Variants in EIF2AK2 observed in about 807,000 individuals in gnomAD.
EIF2AK2 encodes the protein interferon-induced, double-stranded RNA-activated protein kinase.
A neutral mutation model predicts 70.5 loss-of-function variants in EIF2AK2; 40 were observed. The observed-to-expected ratio is 0.57, with a 90% CI of 0.44 to 0.74. The LOEUF is 0.74. EIF2AK2 is among the 30% of genes least tolerant of loss of function. EIF2AK2 has a pLI of 0.00. For synonymous variants in EIF2AK2, 198 were observed against 220.9 expected (o/e 0.90, Z 0.92); for missense variants, 555 against 644.3 (o/e 0.86, Z 1.50).
rs759646566 is a variant in EIF2AK2, at chr2:37,122,549, C to A, written c.1024G>T (p.Glu342Ter). 8 of 1,614,148 alleles carry A rather than the reference C, an allele frequency of 5.0e-6. No individual in the cohort carries two copies. The highest frequency in any genetic ancestry group is 1.6e-4 in the Middle Eastern group (1 of 6,062). The change falls in exon 12 of 17, where the codon GAG (glutamate) becomes TAG (stop). Residue 342 changes from glutamate to a stop codon, truncating the protein, a stop_gained. Transcript: ENST00000233057. LOFTEE classifies it high-confidence loss of function. ...TTCTCAGGATCATAATCACTGCTCT[C>A]AAGAGAATCATCACTGGTCTCAGGA... Reference protein sequence around the residue: ...YDPETSDDSLESSDYDPENSK... With the variant: ...YDPETSDDSL
At position 37,101,073 on chromosome 2, in the gene EIF2AK2, T is replaced by C; in HGVS notation, c.*6200A>G. Reference sequence around the variant, plus strand: ...CCAATTAGTTGCCAACTCCTCTTGGTTCTGTCCTCTTATTGTTCAGGCCCT... The same window carrying C: ...CCAATTAGTTGCCAACTCCTCTTGGCTCTGTCCTCTTATTGTTCAGGCCCT... On this transcript the variant is annotated 3_prime_UTR_variant, in exon 17 of 17. Transcript: ENST00000233057. 6.6e-6 allele frequency: 1 copy of C among 152,374 alleles called. No individual in the cohort carries two copies. The highest frequency in any genetic ancestry group is 1.5e-5 in the Non-Finnish European group (1 of 68,050). 9.4% of individuals were successfully genotyped at this position (152,374 alleles called of 1,614,324 possible). A position where few individuals can be genotyped will look rare whatever the true frequency, so the allele number is the denominator to read the frequency against.
rs770271940 is a variant in EIF2AK2, at chr2:37,107,291, A to G, written c.1638T>C (p.Asn546=). The change falls in exon 17 of 17, where the codon AAT becomes AAC. Residue 546 remains asparagine (N), a synonymous_variant. Transcript: ENST00000233057. ...LTVWKKSPEK[N]ERHTC is the part of the protein sequence containing the mutation. Reference sequence around the variant, plus strand: ...AAGGGCTCTAACATGTGTGTCGTTCATTTTTCTCTGGGCTTTTCTTCCACA... The same window carrying G: ...AAGGGCTCTAACATGTGTGTCGTTCGTTTTTCTCTGGGCTTTTCTTCCACA... The G allele has an allele frequency of 4.0e-5, 64 of 1,613,214 alleles. No individual in the cohort carries two copies. The highest frequency in any genetic ancestry group is 5.3e-5 in the Non-Finnish European group (63 of 1,179,856).
intron 14 of EIF2AK2, among the ~76,000 whole-genome samples, chr2:37,111,410 T>C (rs1674141424): frequency 4.0e-5 from 6 of 151,318 alleles, no homozygotes. Flanking sequence ...TTTTTTTTTT[T>C]TTTCTTCAGA....
At chr2:37,146,656 T>A (rs1255159603) in intron 4 of EIF2AK2, among the ~76,000 whole-genome samples, 197 bp downstream of exon 4, 1 of 152,206 alleles carries the variant, frequency 6.6e-6, no homozygotes, top group African/African-American at 2.4e-5. Flanking sequence ...ATTATCCAGC[T>A]TTGCCCATGG....
intron 14 of EIF2AK2, 77 bp downstream of exon 14, chr2:37,114,654 T>C: frequency 1.5e-6 from 2 of 1,324,874 alleles, no homozygotes; most frequent in South Asian, 2.1e-5. Context: ...GTTTTAATTA[T>C]ATAAGTAGTG....
At chr2:37,131,136 G>C (rs1301238539) in intron 10 of EIF2AK2, among the ~76,000 whole-genome samples, 2 of 152,138 alleles carry the variant, frequency 1.3e-5, no homozygotes, top group African/African-American at 4.8e-5. Flanking sequence ...CACACAAGAG[G>C]AAATCTTGAT....
At chr2:37,139,826 A>G in intron 5 of EIF2AK2, 69 bp from the exon 6 acceptor site, 1 of 1,462,652 alleles carries the variant, frequency 6.8e-7, no homozygotes, top group Non-Finnish European at 9.3e-7. Context: ...AGGATTCAAA[A>G]AAAATAACAT....
intron 4 of EIF2AK2, among the ~76,000 whole-genome samples, chr2:37,144,338 T>C (rs569508806): frequency 6.8e-6 from 1 of 147,562 alleles, no homozygotes; most frequent in South Asian, 2.2e-4. Context: ...TTTTTTATCA[T>C]TATTTTAGAA....
At chr2:37,143,604 C>T (rs534729344) in intron 4 of EIF2AK2, among the ~76,000 whole-genome samples, 2 of 152,188 alleles carry the variant, frequency 1.3e-5, no homozygotes, top group Admixed American at 1.3e-4. Context: ...CTACTTATAG[C>T]TGGGTGTGGT....
Position 37,119,953 on chromosome 2 carries a change from A to G in EIF2AK2, c.1248+6T>C. ...TATCAATTAATAAAGTACATTTTCC[A>G]CTTACCTTAAGATCTCTATGAATTA... is the stretch of plus-strand genomic sequence containing the variant. On this transcript the variant is annotated splice_donor_region_variant and intron_variant, in intron 13 of 16. Coordinates refer to ENST00000233057, the MANE Select transcript of EIF2AK2 (RefSeq NM_001135651.3). 7.3e-7 allele frequency: 1 copy of G among 1,377,130 alleles called. No homozygotes were observed. Among genetic ancestry groups the G allele is most frequent in the South Asian group, 1.9e-5 (1 of 53,770 alleles). The allele number at this position is 1,377,130 out of a possible 1,614,324, so 85.3% of individuals were successfully genotyped here.
chr2:37,154,055 G>A (rs928915706), intron 1 of EIF2AK2, among the ~76,000 whole-genome samples: 3 of 152,062 alleles, frequency 2.0e-5, no homozygotes, highest in African/African-American at 4.8e-5. Context: ...GGCCAGGCGC[G>A]GTGGCTCACA....
rs1006000377 is a variant in EIF2AK2 at position 37,107,471 on chromosome 2, T to C, written c.1533+3A>G. 3.1e-6 allele frequency: 5 copies of C among 1,612,170 alleles called. No homozygotes were observed. The highest frequency in any genetic ancestry group is 4.2e-6 in the Non-Finnish European group (5 of 1,179,572). ...AAAATTCTGATGATTTTCAAGTGCTTACTTCTTTTTTATCAAATATATCTG... is the reference window on the plus strand; with the variant it reads ...AAAATTCTGATGATTTTCAAGTGCTCACTTCTTTTTTATCAAATATATCTG... On this transcript the variant is annotated splice_donor_region_variant and intron_variant, in intron 16 of 16. Transcript: ENST00000233057.
In EIF2AK2 at chr2:37,135,493, A is replaced by G; in HGVS notation, c.776T>C (p.Val259Ala). 6.2e-7 allele frequency: 1 copy of G among 1,608,202 alleles called. No individual in the cohort carries two copies. The highest frequency in any genetic ancestry group is 1.1e-5 in the South Asian group (1 of 89,784). ...LPDMKETKYT[V>A]DKRFGMDFKE... ...GCACTTAAAATCTTACCTCTTGTCC[A>G]CAGTATACTTTGTTTCTTTCATGTC... The change falls in exon 10 of 17, where the codon GTG (valine) becomes GCG (alanine). Residue 259 changes from valine (V) to alanine (A), a missense_variant. Val to Ala is a moderately conservative substitution (Grantham distance 64, BLOSUM62 0). Transcript: ENST00000233057.
chr2:37,134,177 C>G (rs1277565817), intron 10 of EIF2AK2, among the ~76,000 whole-genome samples: 1 of 152,200 alleles, frequency 6.6e-6, no homozygotes, highest in Admixed American at 6.5e-5. Flanking sequence ...AGCTGACAGT[C>G]TGGTTGGCGA....
chr2:37,139,899 A>G (rs1175501756), intron 5 of EIF2AK2, 142 bp from the exon 6 acceptor site: 1 of 889,550 alleles, frequency 1.1e-6, no homozygotes, highest in African/African-American at 1.7e-5. Flanking sequence ...TATCTTGCAT[A>G]ATTTAAACCC....
chr2:37,141,794 A>C (rs1429887109), intron 4 of EIF2AK2, 93 bp from the exon 5 acceptor site: 1 of 1,292,782 alleles, frequency 7.7e-7, no homozygotes. Flanking sequence ...TAAATGAGCA[A>C]TTTGAAAGAC....
chr2:37,150,032 A>C (rs1280385031), intron 1 of EIF2AK2, among the ~76,000 whole-genome samples: 4 of 152,166 alleles, frequency 2.6e-5, no homozygotes, highest in African/African-American at 4.8e-5. Context: ...TGATCATGGG[A>C]ATGTTCTTCC....
At chr2:37,149,725 C>T (rs1017942468) in intron 1 of EIF2AK2, among the ~76,000 whole-genome samples, 6 of 152,198 alleles carry the variant, frequency 3.9e-5, no homozygotes, top group Admixed American at 2.6e-4. Flanking sequence ...AACTTCTCTG[C>T]TAGTTCTTCA....
chr2:37,134,166 GAGCT>G (rs1675043705), intron 10 of EIF2AK2, among the ~76,000 whole-genome samples: 1 of 152,058 alleles, frequency 6.6e-6, no homozygotes, highest in East Asian at 1.9e-4. Context: ...TTTTTTGAAA[GAGCT>G]GACAGTCTGG....
Sources: allele counts gnomAD v4.1 joint callset (sites outside exome capture counted in the v4.1 genomes callset), GRCh38; gene constraint gnomAD v4.1.1; transcripts MANE v1.5; gene names NCBI Gene and HGNC (gene_info 2026-07-23, HGNC 2026-07-21).